Variants in ATXN10 observed in about 807,000 individuals in gnomAD.
ATXN10 encodes the protein ataxin-10.
In ATXN10, 28 loss-of-function variants were observed where a neutral mutation model predicts 52.9. The observed-to-expected ratio is 0.53, with a 90% CI of 0.39 to 0.73. The LOEUF is 0.73. Ranked by LOEUF, ATXN10 falls within the 30% of genes least tolerant of loss-of-function variation. ATXN10 has a pLI of 0.00. For synonymous variants in ATXN10, 226 were observed against 221.5 expected, an observed-to-expected ratio of 1.02 and a Z score of -0.18; for missense variants, 565 against 577.0, an observed-to-expected ratio of 0.98 and a Z score of 0.21.
rs750735855 is a variant in ATXN10, at chr22:45,759,310, A to G, written c.1173+18772A>G. Among the ~76,000 whole-genome samples, 6 of 152,128 alleles carry G rather than the reference A, an allele frequency of 3.9e-5. No homozygotes were observed. The highest frequency in any genetic ancestry group is 8.8e-5 in the Non-Finnish European group (6 of 68,000). On this transcript the variant is annotated intron_variant, in intron 9 of 11. Coordinates refer to ENST00000252934, the MANE Select transcript of ATXN10 (RefSeq NM_013236.4). The surrounding 1 kb of genome is among the most constrained non-coding windows in gnomAD (Gnocchi z 5.4). ...GCGGATCACCTGAGGTCAGGAGTTC[A>G]AGACCAGCCTGGCTAACATGGTGAA... is the stretch of plus-strand genomic sequence containing the variant.
chr22:45,740,271 C>T, intron 8 of ATXN10, 98 bp from the exon 9 acceptor site: 1 of 1,161,164 alleles, frequency 8.6e-7, no homozygotes, highest in African/African-American at 1.5e-5. Context: ...TACCTTTAGC[C>T]TATTACAATA....
chr22:45,689,494 G>C, intron 1 of ATXN10: 1 of 585,130 alleles, frequency 1.7e-6, no homozygotes, highest in Non-Finnish European at 3.0e-6. Flanking sequence ...CTGTTGCAGA[G>C]ACTGAGATAA....
chr22:45,740,488 A>G lies in ATXN10; in HGVS notation c.1123A>G (p.Ile375Val). The G allele has an allele frequency of 4.3e-6, 7 of 1,613,148 alleles. No homozygotes were observed. The highest frequency in any genetic ancestry group is 5.9e-6 in the Non-Finnish European group (7 of 1,179,250). ...GGCCAATGGGTTTAAGTCTCATCTC[A>G]TTCGTCTGATTGGAAATCTGTGTTA... ...NVANGFKSHLIRLIGNLCYKN... is the reference protein window; with the variant it reads ...NVANGFKSHLVRLIGNLCYKN... The change falls in exon 9 of 12, where the codon ATT (isoleucine) becomes GTT (valine). Residue 375 changes from isoleucine to valine, a missense_variant. Transcript: ENST00000252934.
chr22:45,787,133 G>A lies in ATXN10; in HGVS notation c.1174-19826G>A, dbSNP rs1472858615. On this transcript the variant is annotated intron_variant, in intron 9 of 11. Transcript: ENST00000252934. This position sits in a 1 kb window ranked among gnomAD's most constrained non-coding sequence, Gnocchi z 4.2. ...AGATCTAAAATACTGTATATATAAA[G>A]ATGATCTTCATTTTTTAACAAATTA... Among the ~76,000 whole-genome samples the A allele has an allele frequency of 6.6e-6, 1 of 152,114 alleles. No homozygotes were observed. Among genetic ancestry groups the A allele is most frequent in the Non-Finnish European group, 1.5e-5 (1 of 68,012 alleles).
At position 45,729,414 on chromosome 22, in the gene ATXN10, A is replaced by G; in HGVS notation, c.729-11A>G. On this transcript the variant is annotated splice_polypyrimidine_tract_variant and intron_variant, in intron 6 of 11. Coordinates refer to ENST00000252934, the MANE Select transcript of ATXN10 (RefSeq NM_013236.4). ...TTATAGATTCATGCAGAAATCCTTT[A>G]TGTTTTACAGAGTTACACTGTTAGA... is the stretch of plus-strand genomic sequence containing the variant. The G allele has an allele frequency of 3.7e-6, 6 of 1,613,874 alleles. No homozygotes were observed. Among genetic ancestry groups the G allele is most frequent in the Non-Finnish European group, 5.1e-6 (6 of 1,179,776 alleles).
At chr22:45,693,599 G>A (rs906838653) in intron 3 of ATXN10, among the ~76,000 whole-genome samples, 1 of 152,172 alleles carries the variant, frequency 6.6e-6, no homozygotes, top group African/African-American at 2.4e-5. Context: ...ATACTAGCAA[G>A]TTGGGGATTA....
Position 45,784,349 on chromosome 22 carries a change from A to G in ATXN10, c.1174-22610A>G, listed in dbSNP as rs1927252161. On this transcript the variant is annotated intron_variant, in intron 9 of 11. Transcript: ENST00000252934. This position sits in a 1 kb window ranked among gnomAD's most constrained non-coding sequence, Gnocchi z 4.2. ...TAGGAATACCAAATATTTGCATGGA[A>G]GAGATTTGTAATATAGTAGGATACT... Among the ~76,000 whole-genome samples the G allele has an allele frequency of 6.6e-6, 1 of 152,198 alleles. No homozygotes were observed. Among genetic ancestry groups the G allele is most frequent in the Admixed American group, 6.5e-5 (1 of 15,286 alleles).
At chr22:45,761,017 T>G (rs552363678) in intron 9 of ATXN10, among the ~76,000 whole-genome samples, 18 of 152,324 alleles carry the variant, frequency 1.2e-4, no homozygotes, top group Middle Eastern at 3.4e-3. Context: ...AGAGGAAGCT[T>G]TCTTTCAGGT....
intron 9 of ATXN10, chr22:45,760,566 G>T (rs60308683): frequency 6.5e-6 from 1 of 153,792 alleles, no homozygotes; most frequent in African/African-American, 2.4e-5. Context: ...TCAGAAGCTA[G>T]GAAGGCTTCT....
chr22:45,812,464 G>A (rs1928313836), intron 10 of ATXN10, among the ~76,000 whole-genome samples: 1 of 152,212 alleles, frequency 6.6e-6, no homozygotes, highest in African/African-American at 2.4e-5. Flanking sequence ...GCATGTGTGT[G>A]TATTTATTTA....
rs1346878470 is a variant in ATXN10, at chr22:45,727,039, C to T, written c.729-2386C>T. On this transcript the variant is annotated intron_variant, in intron 6 of 11. Transcript: ENST00000252934. The surrounding 1 kb of genome is among the most constrained non-coding windows in gnomAD (Gnocchi z 4.6). ...TGATGTTAGATTGTCAACTTGTGGT[C>T]TTTCAGACTTTTCGATGTAGGCATT... Among the ~76,000 whole-genome samples the T allele has an allele frequency of 1.3e-5, 2 of 152,134 alleles. No individual in the cohort carries two copies. The highest frequency in any genetic ancestry group is 2.9e-5 in the Non-Finnish European group (2 of 68,032).
chr22:45,827,157 A>G (rs955773919), intron 10 of ATXN10, among the ~76,000 whole-genome samples: 1 of 151,602 alleles, frequency 6.6e-6, no homozygotes, highest in Admixed American at 6.6e-5. Flanking sequence ...ACACACACAC[A>G]CACACACACA....
rs1010498333 is a variant in ATXN10 at position 45,824,219 on chromosome 22, C to T, written c.1237+17197C>T. On this transcript the variant is annotated intron_variant, in intron 10 of 11. Coordinates refer to ENST00000252934, the MANE Select transcript of ATXN10 (RefSeq NM_013236.4). The surrounding 1 kb of genome is among the most constrained non-coding windows in gnomAD (Gnocchi z 5.2). The stretch of plus-strand genomic sequence containing the variant: ...CACTGCCCCTGCAGCTCACAGAGAC[C>T]TGCACATACTGTTCCTCTCACTGGA... Among the ~76,000 whole-genome samples the T allele has an allele frequency of 2.0e-5, 3 of 152,164 alleles. No homozygotes were observed. The highest frequency in any genetic ancestry group is 4.4e-5 in the Non-Finnish European group (3 of 68,026).
rs1927375505 is a variant in ATXN10, at chr22:45,787,958, G to A, written c.1174-19001G>A. 6.6e-6 allele frequency among the ~76,000 whole-genome samples: 1 copy of A among 152,040 alleles called. No individual in the cohort carries two copies. The highest frequency in any genetic ancestry group is 2.4e-5 in the African/African-American group (1 of 41,390). On this transcript the variant is annotated intron_variant, in intron 9 of 11. Transcript: ENST00000252934. This position sits in a 1 kb window ranked among gnomAD's most constrained non-coding sequence, Gnocchi z 4.2. ...ACATTTGCCTACAATATTTAGTGTG[G>A]GATTACTCAAATCTTTTGGTTGAGT... is the stretch of plus-strand genomic sequence containing the variant.
At chr22:45,735,801 C>T (rs1487619130) in intron 7 of ATXN10, among the ~76,000 whole-genome samples, 2 of 119,464 alleles carry the variant, frequency 1.7e-5, no homozygotes, top group Admixed American at 8.5e-5. Context: ...ATGTTCCCTT[C>T]ATTTGCTTGT....
chr22:45,818,722 C>T lies in ATXN10; in HGVS notation c.1237+11700C>T, dbSNP rs1203030691. ...TCCCTGGACTTGCTCTCGGTTACTT[C>T]AGCTGCCTGTCTGCTGCGTTTTCCC... On this transcript the variant is annotated intron_variant, in intron 10 of 11. Coordinates refer to ENST00000252934, the MANE Select transcript of ATXN10 (RefSeq NM_013236.4). The surrounding 1 kb of genome is among the most constrained non-coding windows in gnomAD (Gnocchi z 4.6). Among the ~76,000 whole-genome samples the T allele has an allele frequency of 6.6e-6, 1 of 151,782 alleles. No homozygotes were observed. The highest frequency in any genetic ancestry group is 2.4e-5 in the African/African-American group (1 of 41,296).
chr22:45,808,471 C>G (rs568788449), intron 10 of ATXN10, among the ~76,000 whole-genome samples: 3 of 152,338 alleles, frequency 2.0e-5, no homozygotes, highest in South Asian at 4.1e-4. Context: ...CCTACAGATG[C>G]TCGCAGCACC....
At chr22:45,717,483 C>T (rs988116210) in intron 5 of ATXN10, among the ~76,000 whole-genome samples, 9 of 152,136 alleles carry the variant, frequency 5.9e-5, no homozygotes, top group East Asian at 1.9e-4. Context: ...GATAGGAATA[C>T]TGTTTGAGAA....
intron 9 of ATXN10, among the ~76,000 whole-genome samples, chr22:45,799,761 C>T (rs1352219217): frequency 6.6e-6 from 1 of 152,058 alleles, no homozygotes; most frequent in African/African-American, 2.4e-5. Context: ...AATACAATTG[C>T]CAAAACAATT....
Sources: allele counts gnomAD v4.1 joint callset (sites outside exome capture counted in the v4.1 genomes callset), GRCh38; gene constraint gnomAD v4.1.1; non-coding constraint Gnocchi (gnomAD v3.1); transcripts MANE v1.5; gene names NCBI Gene and HGNC (gene_info 2026-07-23, HGNC 2026-07-21).